NBEA: variants seen among roughly 807,000 people sequenced by gnomAD.
NBEA encodes the protein lysosomal-trafficking regulator 2.
NBEA carries 44 observed loss-of-function variants against 343.4 expected under a neutral mutation model. The observed-to-expected ratio is 0.13, with a 90% confidence interval of 0.10 to 0.16. The LOEUF (loss-of-function observed/expected upper bound fraction) is 0.16, where lower values mean the gene tolerates loss of function less well. NBEA is among the 10% of genes least tolerant of loss of function. NBEA has a pLI of 1.00. For synonymous variants in NBEA, 1,175 were observed against 1,238.7 expected, an observed-to-expected ratio of 0.95 and a Z score of 1.08; for missense variants, 2,555 against 3,631.3, an observed-to-expected ratio of 0.70 and a Z score of 7.62.
At chr13:35,213,642 T>A (rs2073907787) in intron 33 of NBEA, among the ~76,000 whole-genome samples, 1 of 151,874 alleles carries the variant, frequency 6.6e-6, no homozygotes, top group African/African-American at 2.4e-5. Context: ...TTTTTAGTTT[T>A]CTATGTGGAA....
At chr13:35,279,151 C>T (rs940578072) in intron 34 of NBEA, among the ~76,000 whole-genome samples, 2 of 152,038 alleles carry the variant, frequency 1.3e-5, no homozygotes, top group Non-Finnish European at 1.5e-5. Flanking sequence ...TTTTTAAGGG[C>T]AAACCATGCC....
At chr13:35,466,535 A>G (rs1437073237) in intron 40 of NBEA, among the ~76,000 whole-genome samples, 2 of 152,152 alleles carry the variant, frequency 1.3e-5, no homozygotes, top group Non-Finnish European at 2.9e-5. Flanking sequence ...TGTCACTGTC[A>G]TAGCTCCCTG....
At chr13:35,420,634 C>G (rs1170826571) in intron 38 of NBEA, among the ~76,000 whole-genome samples, 2 of 151,974 alleles carry the variant, frequency 1.3e-5, no homozygotes, top group Non-Finnish European at 2.9e-5. Flanking sequence ...GTGAAACTAT[C>G]TAGGCCTGGA....
intron 40 of NBEA, among the ~76,000 whole-genome samples, chr13:35,465,322 T>C (rs1341485684): frequency 6.6e-6 from 1 of 152,134 alleles, no homozygotes; most frequent in Non-Finnish European, 1.5e-5. Flanking sequence ...AACAAGATAA[T>C]AACCCCTGTC....
intron 36 of NBEA, among the ~76,000 whole-genome samples, chr13:35,331,643 G>T (rs2038932935): frequency 6.6e-6 from 1 of 151,988 alleles, no homozygotes; most frequent in East Asian, 1.9e-4. Context: ...ATAACAAACT[G>T]CATAAAGTCA....
chr13:35,426,800 G>C (rs1035931710), intron 38 of NBEA, among the ~76,000 whole-genome samples: 3 of 151,956 alleles, frequency 2.0e-5, no homozygotes, highest in Admixed American at 1.3e-4. Flanking sequence ...ACATAGATTT[G>C]GTCTTTTCAC....
chr13:35,267,087 G>A (rs2033745290), intron 34 of NBEA, among the ~76,000 whole-genome samples: 1 of 151,894 alleles, frequency 6.6e-6, no homozygotes, highest in South Asian at 2.1e-4. Context: ...CAACCTCATT[G>A]CCTTTACATT....
intron 21 of NBEA, among the ~76,000 whole-genome samples, chr13:35,158,003 G>C (rs930012782): frequency 2.0e-5 from 3 of 152,084 alleles, no homozygotes; most frequent in Admixed American, 1.3e-4. Context: ...GGCTGTGTGG[G>C]CTCTATAGCC....
intron 18 of NBEA, among the ~76,000 whole-genome samples, chr13:35,145,268 G>C (rs1473280234): frequency 1.3e-5 from 2 of 152,166 alleles, no homozygotes; most frequent in Non-Finnish European, 2.9e-5. Flanking sequence ...TCATACCCAG[G>C]AAAGTTTTGA....
At chr13:35,312,538 A>T (rs1160720) in intron 36 of NBEA, among the ~76,000 whole-genome samples, 1 of 151,966 alleles carries the variant, frequency 6.6e-6, no homozygotes, top group Non-Finnish European at 1.5e-5. Context: ...CTGTGCAAAG[A>T]ATACTGGAGA....
chr13:35,110,821 C>A lies in NBEA; in HGVS notation c.1845C>A (p.Ser615=). The change falls in exon 13 of 59, where the codon TCC becomes TCA. Residue 615 remains serine (S), a synonymous_variant. Transcript: ENST00000379939. ...ATATTCTGTATTAGGTTCAGCTTTC[C>A]CTATACACATATTTGTCTGCTGAAT... is the stretch of plus-strand genomic sequence containing the variant. ...WIHTPAKVQL[S]LYTYLSAEFI... is the part of the protein sequence containing the mutation. 6.2e-7 allele frequency: 1 copy of A among 1,610,754 alleles called. No homozygotes were observed. The highest frequency in any genetic ancestry group is 8.5e-7 in the Non-Finnish European group (1 of 1,177,576).
rs1456391229 is a variant in NBEA at position 35,476,150 on chromosome 13, G to A, written c.6585+3614G>A. On this transcript the variant is annotated intron_variant, in intron 41 of 58. Coordinates refer to ENST00000379939, the MANE Select transcript of NBEA (RefSeq NM_001385012.1). The stretch of plus-strand genomic sequence containing the variant: ...TGGGCCGCAATCATGTTGGGGCAGA[G>A]ATCCGGATTGTACACCGGAGTCTCG... The A allele has an allele frequency of 3.7e-6, 6 of 1,613,700 alleles. No individual in the cohort carries two copies. In the South Asian group the frequency reaches 6.6e-5, roughly 18 times the overall value.
intron 10 of NBEA, 87 bp downstream of exon 10, chr13:35,070,939 A>G: frequency 7.2e-7 from 1 of 1,393,174 alleles, no homozygotes; most frequent in Non-Finnish European, 9.5e-7. Flanking sequence ...TAAATGTATT[A>G]CAGTATTTGG....
At chr13:35,300,919 A>T (rs1285177237) in intron 35 of NBEA, among the ~76,000 whole-genome samples, 1 of 152,008 alleles carries the variant, frequency 6.6e-6, no homozygotes, top group Admixed American at 6.6e-5. Flanking sequence ...TCTACCTAGG[A>T]TGTAAAGGGA....
chr13:35,352,291 T>G lies in NBEA; in HGVS notation c.6147T>G (p.Asn2049Lys). The G allele has an allele frequency of 6.5e-7, 1 of 1,535,702 alleles. No homozygotes were observed. The highest frequency in any genetic ancestry group is 8.8e-7 in the Non-Finnish European group (1 of 1,135,904). The change falls in exon 38 of 59, where the codon AAT becomes AAG. Residue 2049 changes from asparagine to lysine, a missense_variant. Physicochemically the swap from Asn to Lys is moderately conservative, Grantham distance 94. This residue lies in a region of NBEA where 246 missense variants were observed against 313.7 expected (regional missense o/e 0.78). Transcript: ENST00000379939. ...LKQKILNILTNKHGAWGAVSH... is the reference protein window; with the variant it reads ...LKQKILNILTKKHGAWGAVSH... ...AGAAGATTCTCAATATTCTCACAAA[T>G]AAACATGGTGCTTGGGGAGCAGTTT... is the stretch of plus-strand genomic sequence containing the variant.
At chr13:35,348,885 G>A (rs1430975895) in intron 36 of NBEA, among the ~76,000 whole-genome samples, 1 of 151,964 alleles carries the variant, frequency 6.6e-6, no homozygotes. Context: ...CTGAATTGCT[G>A]ATTAACAAGA....
chr13:35,541,184 C>A (rs1479880621), intron 41 of NBEA, among the ~76,000 whole-genome samples: 2 of 130,380 alleles, frequency 1.5e-5, no homozygotes, highest in African/African-American at 2.9e-5. Flanking sequence ...TGTCCGTTGC[C>A]CCCCCACCCC....
chr13:35,478,520 G>A (rs2075982036), intron 41 of NBEA, among the ~76,000 whole-genome samples: 1 of 152,240 alleles, frequency 6.6e-6, no homozygotes, highest in Admixed American at 6.5e-5. Flanking sequence ...TCCGCTCGCC[G>A]CCTCTCTCTC....
chr13:35,501,909 A>T (rs975908273), intron 41 of NBEA, among the ~76,000 whole-genome samples: 1 of 152,010 alleles, frequency 6.6e-6, no homozygotes. Flanking sequence ...GTCAGAGGGG[A>T]TGTATGTATG....
Sources: gnomAD v4.1 joint callset for allele counts (sites outside exome capture counted in the v4.1 genomes callset) on GRCh38, gnomAD v4.1.1 for gene constraint, gnomAD v4.1.1 regional missense constraint, MANE v1.5 for transcripts, NCBI Gene and HGNC (gene_info 2026-07-23, HGNC 2026-07-21) for gene names.